GSTCD: variants seen among roughly 807,000 people sequenced by gnomAD.
GSTCD encodes the protein glutathione S-transferase C-terminal domain containing, also known as glutathione S-transferase C-terminal domain-containing protein.
Under a neutral mutation model 68.3 loss-of-function variants are expected in GSTCD, and 44 were observed. The ratio of observed to expected loss-of-function variants is 0.64; its 90% CI spans 0.51 to 0.83. The LOEUF (loss-of-function observed/expected upper bound fraction) is 0.83, where lower values mean the gene tolerates loss of function less well. Among genes scored for constraint, GSTCD ranks in the 40% least tolerant of loss-of-function variants. GSTCD has a pLI of 0.00. For synonymous variants in GSTCD, 273 were observed against 255.2 expected (o/e 1.07, Z -0.67); for missense variants, 739 against 735.9 (o/e 1.00, Z -0.05).
chr4:105,847,328 G>C lies in GSTCD; in HGVS notation c.*1751G>C, dbSNP rs570467720. The C allele has an allele frequency of 6.6e-6, 1 of 152,134 alleles. No homozygotes were observed. The highest frequency in any genetic ancestry group is 2.4e-5 in the African/African-American group (1 of 41,506). The allele number at this position is 152,134 out of a possible 1,614,324, so 9.4% of individuals were successfully genotyped here. On this transcript the variant is annotated 3_prime_UTR_variant, in exon 12 of 12. Transcript: ENST00000515279. ...TGGGGGTGGGAGACATATTGGAATC[G>C]TGTTTTCTGGGATAAAATTTTTAAA... is the stretch of plus-strand genomic sequence containing the variant.
chr4:105,782,247 C>T (rs1205107451), intron 5 of GSTCD, among the ~76,000 whole-genome samples: 2 of 152,170 alleles, frequency 1.3e-5, no homozygotes, highest in African/African-American at 4.8e-5. Flanking sequence ...CCTGTAATCC[C>T]AGCACTTTGG....
intron 5 of GSTCD, among the ~76,000 whole-genome samples, chr4:105,733,578 T>C (rs568547372): frequency 7.4e-4 from 113 of 152,342 alleles, no homozygotes; most frequent in Admixed American, 1.4e-3. Flanking sequence ...AGCCTATGTG[T>C]GTCTCTGCAC....
intron 5 of GSTCD, among the ~76,000 whole-genome samples, chr4:105,790,885 A>G (rs927373839): frequency 1.3e-5 from 2 of 152,044 alleles, no homozygotes; most frequent in African/African-American, 4.8e-5. Flanking sequence ...GGAAGTGATA[A>G]CCAACATCCA....
intron 5 of GSTCD, among the ~76,000 whole-genome samples, chr4:105,760,692 G>C (rs752793547): frequency 6.6e-6 from 1 of 152,166 alleles, no homozygotes; most frequent in Non-Finnish European, 1.5e-5. Context: ...GTGAGAGGGA[G>C]CAGCATAAAT....
At chr4:105,844,877 A>G (rs1235216225) in intron 11 of GSTCD, among the ~76,000 whole-genome samples, 2 of 152,176 alleles carry the variant, frequency 1.3e-5, no homozygotes, top group African/African-American at 4.8e-5. Context: ...GAGGGACAGG[A>G]GCTCAGAAAA....
chr4:105,766,377 C>G (rs187983955), intron 5 of GSTCD, among the ~76,000 whole-genome samples: 1 of 152,306 alleles, frequency 6.6e-6, no homozygotes, highest in Non-Finnish European at 1.5e-5. Context: ...CTCCTACCTT[C>G]CATCCTTTTA....
intron 5 of GSTCD, among the ~76,000 whole-genome samples, chr4:105,808,357 T>A (rs1722605349): frequency 6.6e-6 from 1 of 152,102 alleles, no homozygotes; most frequent in Non-Finnish European, 1.5e-5. Flanking sequence ...CTCTTTATTT[T>A]ACTCTCTACA....
At chr4:105,744,098 G>C (rs1278331291) in intron 5 of GSTCD, among the ~76,000 whole-genome samples, 1 of 152,128 alleles carries the variant, frequency 6.6e-6, no homozygotes, top group Non-Finnish European at 1.5e-5. Context: ...TACAGCCTTT[G>C]TCTTTCATAA....
intron 5 of GSTCD, among the ~76,000 whole-genome samples, chr4:105,804,688 G>A (rs971276668): frequency 6.6e-6 from 1 of 151,940 alleles, no homozygotes; most frequent in Admixed American, 6.6e-5. Context: ...GTATACGCAG[G>A]TTTGCTACAT....
At chr4:105,813,460 T>G (rs1159220231) in intron 5 of GSTCD, among the ~76,000 whole-genome samples, 1 of 152,208 alleles carries the variant, frequency 6.6e-6, no homozygotes, top group Non-Finnish European at 1.5e-5. Context: ...AAAATTACCT[T>G]CAGGCTATTT....
chr4:105,777,289 T>C (rs1735109445), intron 5 of GSTCD, among the ~76,000 whole-genome samples: 1 of 152,154 alleles, frequency 6.6e-6, no homozygotes, highest in Non-Finnish European at 1.5e-5. Context: ...CCGATGTATG[T>C]GTGTGTATAT....
At chr4:105,828,271 A>T (rs1723743208) in intron 8 of GSTCD, among the ~76,000 whole-genome samples, 1 of 152,212 alleles carries the variant, frequency 6.6e-6, no homozygotes, top group Non-Finnish European at 1.5e-5. Context: ...AGTGCTGACT[A>T]GTTAATTATA....
intron 5 of GSTCD, among the ~76,000 whole-genome samples, chr4:105,750,763 T>TG (rs1733985212): frequency 6.6e-6 from 1 of 152,102 alleles, no homozygotes; most frequent in African/African-American, 2.4e-5. Flanking sequence ...CTTCAATAGG[T>TG]GAGTAATTCT....
chr4:105,823,954 T>C (rs993240094), intron 7 of GSTCD, among the ~76,000 whole-genome samples: 10 of 152,198 alleles, frequency 6.6e-5, no homozygotes, highest in African/African-American at 2.4e-4. Context: ...TGCCACAATT[T>C]GTTAGAATTT....
intron 5 of GSTCD, among the ~76,000 whole-genome samples, chr4:105,780,455 T>A (rs1401689178): frequency 6.6e-6 from 1 of 152,130 alleles, no homozygotes; most frequent in Non-Finnish European, 1.5e-5. Context: ...TTACAGGAAA[T>A]TTTACTATAT....
intron 5 of GSTCD, among the ~76,000 whole-genome samples, chr4:105,781,389 A>G (rs1386216291): frequency 6.6e-6 from 1 of 150,638 alleles, no homozygotes; most frequent in Non-Finnish European, 1.5e-5. Flanking sequence ...TTAGGAATAC[A>G]GGCGTGTGCC....
chr4:105,747,590 C>CT (rs1292663263), intron 5 of GSTCD, among the ~76,000 whole-genome samples: 3 of 152,076 alleles, frequency 2.0e-5, no homozygotes, highest in Non-Finnish European at 4.4e-5. Context: ...AAACTTAATT[C>CT]TTTTTCTGTT....
At chr4:105,787,607 C>T (rs11736834) in intron 5 of GSTCD, among the ~76,000 whole-genome samples, 6,785 of 151,812 alleles carry the variant, frequency 0.045, 216 homozygotes, top group Middle Eastern at 0.13. Flanking sequence ...GCAGCATTGT[C>T]CCTTTTGAAA....
intron 5 of GSTCD, among the ~76,000 whole-genome samples, chr4:105,732,776 TG>T: frequency 1.3e-5 from 2 of 152,320 alleles, no homozygotes; most frequent in Admixed American, 1.3e-4. Flanking sequence ...CTTTTAATTG[TG>T]ATGTTAGGAT....
Sources: gnomAD v4.1 joint callset for allele counts (sites outside exome capture counted in the v4.1 genomes callset) on GRCh38, gnomAD v4.1.1 for gene constraint, MANE v1.5 for transcripts, NCBI Gene and HGNC (gene_info 2026-07-23, HGNC 2026-07-21) for gene names.